The following CIT variants were observed in gnomAD, a reference collection of about 807,000 sequenced individuals.
CIT encodes citron rho-interacting serine/threonine kinase.
A neutral mutation model predicts 272.7 loss-of-function variants in CIT; 79 were observed. The observed-to-expected ratio is 0.29, with a 90% CI of 0.24 to 0.35. The LOEUF (loss-of-function observed/expected upper bound fraction) is 0.35, where lower values mean the gene tolerates loss of function less well. Among genes scored for constraint, CIT ranks in the 10% least tolerant of loss-of-function variants. The pLI is 1.00. For synonymous variants in CIT, 948 were observed against 995.6 expected, an observed-to-expected ratio of 0.95 and a Z score of 0.90; for missense variants, 1,909 against 2,618.3, an observed-to-expected ratio of 0.73 and a Z score of 5.91.
At chr12:119,849,710 G>A (rs1231911336) in intron 5 of CIT, among the ~76,000 whole-genome samples, 1 of 142,022 alleles carries the variant, frequency 7.0e-6, no homozygotes, top group African/African-American at 2.6e-5. Context: ...TTTTGAGATA[G>A]AGTCTTGCTC....
chr12:119,784,860 A>C lies in CIT; in HGVS notation c.1401+100T>G, dbSNP rs1964628267. 1 of 1,516,212 alleles carries C rather than the reference A, an allele frequency of 6.6e-7. No homozygotes were observed. Among genetic ancestry groups the C allele is most frequent in the Non-Finnish European group, 8.8e-7 (1 of 1,132,020 alleles). The allele number at this position is 1,516,212 out of a possible 1,614,324, so 93.9% of individuals were successfully genotyped here. On this transcript the variant is annotated intron_variant, in intron 11 of 47. Transcript: ENST00000392521. The surrounding 1 kb of genome is among the most constrained non-coding windows in gnomAD (Gnocchi z 4.7). ...AGGAGCGCCTCACTCTCTACGGATC[A>C]GGCGGCTCAGAGCCAGCAGCGGCCC...
intron 46 of CIT, among the ~76,000 whole-genome samples, chr12:119,696,296 G>C (rs372785554): frequency 6.6e-6 from 1 of 152,268 alleles, no homozygotes; most frequent in South Asian, 2.1e-4. Context: ...GAACATGCTT[G>C]TTCAATGTGG....
rs145797024 is a variant in CIT, at chr12:119,795,319, G to A, written c.1295+7887C>T. On this transcript the variant is annotated intron_variant, in intron 10 of 47. Coordinates refer to ENST00000392521, the MANE Select transcript of CIT (RefSeq NM_001206999.2). ...CAAGAATCGCTTGAACCTGGGAGGCGGAGGTTGCAATAAGCTGAGATTGTG... is the reference window on the plus strand; with the variant it reads ...CAAGAATCGCTTGAACCTGGGAGGCAGAGGTTGCAATAAGCTGAGATTGTG... Among the ~76,000 whole-genome samples the A allele has an allele frequency of 1.8e-4, 27 of 152,218 alleles. No homozygotes were observed. The East Asian group carries it at 4.6e-3, about 26-fold the overall frequency.
chr12:119,860,670 A>C lies in CIT; in HGVS notation c.239-2972T>G, dbSNP rs1488120229. On this transcript the variant is annotated intron_variant, in intron 3 of 47. Coordinates refer to ENST00000392521, the MANE Select transcript of CIT (RefSeq NM_001206999.2). Reference sequence around the variant, plus strand: ...CGACCACCAGCTTTCTCAACTGCACAAGGAGACAGACCACGGTGCTTTGCA... The same window carrying C: ...CGACCACCAGCTTTCTCAACTGCACCAGGAGACAGACCACGGTGCTTTGCA... Among the ~76,000 whole-genome samples, 3 of 152,104 alleles carry C rather than the reference A, an allele frequency of 2.0e-5. 1 individual carries two copies.
At chr12:119,780,603 C>G (rs539896284) in intron 13 of CIT, among the ~76,000 whole-genome samples, 1 of 151,834 alleles carries the variant, frequency 6.6e-6, no homozygotes, top group African/African-American at 2.4e-5. Context: ...GGTGACAGAG[C>G]GAGACTCCAT....
At chr12:119,803,045 C>T (rs955441757) in intron 10 of CIT, among the ~76,000 whole-genome samples, 161 bp downstream of exon 10, 1 of 152,126 alleles carries the variant, frequency 6.6e-6, no homozygotes, top group Non-Finnish European at 1.5e-5. Flanking sequence ...AGGCTACCCC[C>T]GCAAAGCCCT....
chr12:119,735,424 G>T, intron 24 of CIT, 67 bp from the exon 25 acceptor site: 1 of 1,528,686 alleles, frequency 6.5e-7, no homozygotes, highest in Non-Finnish European at 9.1e-7. Flanking sequence ...TTGCTTCTAG[G>T]GCTATGGATT....
chr12:119,792,911 G>A lies in CIT; in HGVS notation c.1296-7846C>T, dbSNP rs937262603. ...TGGGAGGCGGAGGTTGTCTTGAGCC[G>A]AGATAGCGCCACTGCACTCCAGCCT... is the stretch of plus-strand genomic sequence containing the variant. On this transcript the variant is annotated intron_variant, in intron 10 of 47. Transcript: ENST00000392521. Among the ~76,000 whole-genome samples, 40 of 151,840 alleles carry A rather than the reference G, an allele frequency of 2.6e-4. 1 individual carries two copies. Among genetic ancestry groups the A allele is most frequent in the African/African-American group, 7.3e-4 (30 of 41,360 alleles).
Position 119,687,195 on chromosome 12 carries a change from A to G in CIT, c.*1037T>C, listed in dbSNP as rs1955627633. On this transcript the variant is annotated 3_prime_UTR_variant, in exon 48 of 48. Transcript: ENST00000392521. Reference sequence around the variant, plus strand: ...TTGGCAGGAGCTATGGGATGGTATTAATACATTGGCAGAGCAACCCAAGGG... The same window carrying G: ...TTGGCAGGAGCTATGGGATGGTATTGATACATTGGCAGAGCAACCCAAGGG... The G allele has an allele frequency of 6.6e-6, 1 of 152,586 alleles. No homozygotes were observed. Among genetic ancestry groups the G allele is most frequent in the African/African-American group, 2.4e-5 (1 of 41,428 alleles). 9.5% of individuals were successfully genotyped at this position (152,586 alleles called of 1,614,324 possible). A position where few individuals can be genotyped will look rare whatever the true frequency, so the allele number is the denominator to read the frequency against.
At chr12:119,716,538 A>G (rs771002056) in intron 32 of CIT, among the ~76,000 whole-genome samples, 1 of 152,142 alleles carries the variant, frequency 6.6e-6, no homozygotes, top group Non-Finnish European at 1.5e-5. Flanking sequence ...TTTGATTGCA[A>G]TGCCATGATT....
At chr12:119,818,758 G>A (rs949083089) in intron 9 of CIT, among the ~76,000 whole-genome samples, 15 of 152,198 alleles carry the variant, frequency 9.9e-5, no homozygotes, top group Non-Finnish European at 4.4e-5. Flanking sequence ...TAGCCATAAT[G>A]TCCTAGGAAA....
rs1016501756 is a variant in CIT, at chr12:119,829,892, G to A, written c.753+2879C>T. 5.9e-5 allele frequency among the ~76,000 whole-genome samples: 9 copies of A among 152,126 alleles called. No homozygotes were observed. The South Asian group carries it at 6.3e-4, about 11-fold the overall frequency. ...GGTATCCAAAATACGAAGATATTAC[G>A]TGGGGGTGATAGGGAAGGGATTGAT... On this transcript the variant is annotated intron_variant, in intron 7 of 47. Transcript: ENST00000392521.
In CIT at chr12:119,742,328, C is replaced by T; in HGVS notation, c.2958+83G>A. The T allele has an allele frequency of 3.1e-6, 3 of 961,820 alleles. No homozygotes were observed. In the South Asian group the frequency reaches 6.0e-5, roughly 19 times the overall value. 59.6% of individuals were successfully genotyped at this position (961,820 alleles called of 1,614,324 possible). A position where few individuals can be genotyped will look rare whatever the true frequency, so the allele number is the denominator to read the frequency against. Reference sequence around the variant, plus strand: ...CAAGTTCGTATCAAAACTCAGTCACCAATATTTTAAAGAGACGTCCCCTTT... The same window carrying T: ...CAAGTTCGTATCAAAACTCAGTCACTAATATTTTAAAGAGACGTCCCCTTT... On this transcript the variant is annotated intron_variant, in intron 24 of 47. Coordinates refer to ENST00000392521, the MANE Select transcript of CIT (RefSeq NM_001206999.2).
chr12:119,756,479 G>A (rs1169931375), intron 22 of CIT, among the ~76,000 whole-genome samples: 5 of 152,142 alleles, frequency 3.3e-5, no homozygotes, highest in Admixed American at 6.5e-5. Flanking sequence ...AGGCTGAGGC[G>A]AACTGGTGCC....
intron 32 of CIT, among the ~76,000 whole-genome samples, chr12:119,717,074 C>CA (rs999955283): frequency 1.3e-5 from 2 of 152,110 alleles, no homozygotes; most frequent in Non-Finnish European, 2.9e-5. Context: ...GTTTTTGAGA[C>CA]AGAGTTTCAG....
At chr12:119,714,602 T>G (rs1448698557) in intron 32 of CIT, among the ~76,000 whole-genome samples, 2 of 152,134 alleles carry the variant, frequency 1.3e-5, no homozygotes, top group Non-Finnish European at 2.9e-5. Flanking sequence ...TATCAGTCGT[T>G]AGAGAGATGT....
chr12:119,733,234 A>G (rs77043127), intron 26 of CIT, among the ~76,000 whole-genome samples: 4 of 149,938 alleles, frequency 2.7e-5, no homozygotes, highest in Non-Finnish European at 4.5e-5. Flanking sequence ...AGAAAGGAGA[A>G]AAAAAAAAAA....
rs114436624 is a variant in CIT at position 119,848,426 on chromosome 12, T to C, written c.516+1748A>G. Among the ~76,000 whole-genome samples the C allele has an allele frequency of 7.8e-3, 1,190 of 152,318 alleles. 15 individuals are homozygous for C. Among genetic ancestry groups the C allele is most frequent in the African/African-American group, 0.027 (1,137 of 41,560 alleles). ...ATCTCCATTCAAGGTAACATGATAG[T>C]CCTCTTTTAAGGGCTGAATCAGGAA... On this transcript the variant is annotated intron_variant, in intron 5 of 47. Coordinates refer to ENST00000392521, the MANE Select transcript of CIT (RefSeq NM_001206999.2).
In CIT at chr12:119,712,070, A is replaced by C. The variant is rs933892265; in HGVS notation, c.4854+108T>G. 31 of 1,084,474 alleles carry C rather than the reference A, an allele frequency of 2.9e-5. No homozygotes were observed. In the South Asian group the frequency reaches 3.9e-4, roughly 14 times the overall value. The allele number at this position is 1,084,474 out of a possible 1,614,324, so 67.2% of individuals were successfully genotyped here. On this transcript the variant is annotated intron_variant, in intron 37 of 47. Coordinates refer to ENST00000392521, the MANE Select transcript of CIT (RefSeq NM_001206999.2). The surrounding 1 kb of genome is among the most constrained non-coding windows in gnomAD (Gnocchi z 5.2). Reference sequence around the variant, plus strand: ...TCTAGAGCCATCAGCCCTCAGAGAGAGAGCCTGAGGGGAATCAAAATGGCC... The same window carrying C: ...TCTAGAGCCATCAGCCCTCAGAGAGCGAGCCTGAGGGGAATCAAAATGGCC...
Sources: gnomAD v4.1 joint callset for allele counts (sites outside exome capture counted in the v4.1 genomes callset) on GRCh38, gnomAD v4.1.1 for gene constraint, Gnocchi (gnomAD v3.1) non-coding constraint, MANE v1.5 for transcripts, NCBI Gene and HGNC (gene_info 2026-07-23, HGNC 2026-07-21) for gene names.